The following PLPP4 variants were observed in gnomAD, a reference collection of about 807,000 sequenced individuals.
The protein encoded by PLPP4 is diacylglycerol pyrophosphate like 2.
A neutral mutation model predicts 32.2 loss-of-function variants in PLPP4; 20 were observed. The observed-to-expected ratio is 0.62, with a 90% confidence interval of 0.44 to 0.90. PLPP4 has a LOEUF of 0.90. Ranked by LOEUF, PLPP4 falls within the 40% of genes least tolerant of loss-of-function variation. The probability of loss-of-function intolerance (pLI) is 0.00; values close to 1 mark genes in which losing one functional copy is unlikely to be tolerated. For synonymous variants in PLPP4, 127 were observed against 133.0 expected, an observed-to-expected ratio of 0.95 and a Z score of 0.31; for missense variants, 257 against 353.1, an observed-to-expected ratio of 0.73 and a Z score of 2.18.
At chr10:120,486,239 G>A (rs1481562206) in intron 1 of PLPP4, among the ~76,000 whole-genome samples, 1 of 147,230 alleles carries the variant, frequency 6.8e-6, no homozygotes, top group African/African-American at 2.5e-5. Context: ...ATCTGTGAGA[G>A]GCTTTCCTCC....
intron 5 of PLPP4, among the ~76,000 whole-genome samples, chr10:120,528,880 G>T (rs1194666221): frequency 6.6e-6 from 1 of 151,976 alleles, no homozygotes; most frequent in African/African-American, 2.4e-5. Flanking sequence ...TAATGCTGCA[G>T]ATATATTGTA....
At chr10:120,504,074 ATG>A in intron 2 of PLPP4, 148 bp downstream of exon 2, 1 of 625,822 alleles carries the variant, frequency 1.6e-6, no homozygotes, top group Non-Finnish European at 2.8e-6. Context: ...ATCCAGTTCC[ATG>A]TCATGATAAG....
chr10:120,544,689 G>T (rs1847529180), intron 5 of PLPP4, among the ~76,000 whole-genome samples: 1 of 152,226 alleles, frequency 6.6e-6, no homozygotes, highest in African/African-American at 2.4e-5. Context: ...ATCTCTTTGG[G>T]CCCAGCCCAG....
At chr10:120,486,711 A>G (rs1447321715) in intron 1 of PLPP4, among the ~76,000 whole-genome samples, 1 of 152,216 alleles carries the variant, frequency 6.6e-6, no homozygotes, top group African/African-American at 2.4e-5. Flanking sequence ...TTCCTTTGGA[A>G]TGTATGTGGC....
At chr10:120,459,986 G>A (rs1269742872) in intron 1 of PLPP4, among the ~76,000 whole-genome samples, 4 of 152,146 alleles carry the variant, frequency 2.6e-5, no homozygotes, top group Non-Finnish European at 5.9e-5. Flanking sequence ...CAGTGCTGAG[G>A]TTTTGTGCAT....
intron 4 of PLPP4, among the ~76,000 whole-genome samples, chr10:120,520,360 G>A (rs1846100017): frequency 2.0e-5 from 3 of 152,268 alleles, no homozygotes; most frequent in Admixed American, 6.5e-5. Context: ...CAGGATATAC[G>A]GACACGAGGA....
At chr10:120,581,685 T>C (rs1849521118) in intron 6 of PLPP4, among the ~76,000 whole-genome samples, 1 of 152,000 alleles carries the variant, frequency 6.6e-6, no homozygotes, top group African/African-American at 2.4e-5. Context: ...CCTGGAATGC[T>C]CTTCTTCAGA....
Position 120,501,130 on chromosome 10 carries a change from A to G in PLPP4, c.57-2688A>G, listed in dbSNP as rs1270605570. On this transcript the variant is annotated intron_variant, in intron 1 of 6. Transcript: ENST00000398250. The stretch of plus-strand genomic sequence containing the variant: ...CCCACATGAGAGATTCTAAGTAGGA[A>G]CTACCTAGGCGATGAGCCCCTCTCA... Among the ~76,000 whole-genome samples the G allele has an allele frequency of 4.6e-5, 7 of 152,334 alleles. No homozygotes were observed. The East Asian group carries it at 7.7e-4, about 17-fold the overall frequency.
rs181867324 is a variant in PLPP4 at position 120,470,776 on chromosome 10, G to A, written c.56+13415G>A. 2.2e-3 allele frequency among the ~76,000 whole-genome samples: 338 copies of A among 150,914 alleles called. 1 individual carries two copies. Among genetic ancestry groups the A allele is most frequent in the Admixed American group, 3.8e-3 (58 of 15,212 alleles). On this transcript the variant is annotated intron_variant, in intron 1 of 6. Coordinates refer to ENST00000398250, the MANE Select transcript of PLPP4 (RefSeq NM_001030059.3). ...ATCTGTAGGGAAAATTTGCCCCCCC[G>A]TACTCACCCCACTCCACCCACTGGG... is the stretch of plus-strand genomic sequence containing the variant.
chr10:120,589,082 G>A (rs11199422), intron 6 of PLPP4, among the ~76,000 whole-genome samples: 45,474 of 151,806 alleles, frequency 0.3, 7,201 homozygotes, highest in Non-Finnish European at 0.36. Context: ...ACAAAAAACC[G>A]GGAAGAAAGA....
At chr10:120,475,979 G>A (rs1452355792) in intron 1 of PLPP4, among the ~76,000 whole-genome samples, 11 of 152,176 alleles carry the variant, frequency 7.2e-5, no homozygotes, top group South Asian at 6.2e-4. Flanking sequence ...CTGCAGGCTC[G>A]GACATGCATT....
chr10:120,568,718 A>T (rs952037187), intron 5 of PLPP4, among the ~76,000 whole-genome samples: 1 of 152,146 alleles, frequency 6.6e-6, no homozygotes, highest in Non-Finnish European at 1.5e-5. Context: ...TTATTTTTAT[A>T]TTTATGTTTC....
intron 5 of PLPP4, among the ~76,000 whole-genome samples, chr10:120,546,115 G>T (rs1233602395): frequency 2.0e-5 from 3 of 152,162 alleles, no homozygotes; most frequent in African/African-American, 7.2e-5. Context: ...CCCTATTTTT[G>T]AGGTTTTGGG....
intron 1 of PLPP4, among the ~76,000 whole-genome samples, chr10:120,459,079 A>C (rs930050489): frequency 3.9e-5 from 6 of 152,164 alleles, no homozygotes; most frequent in African/African-American, 1.4e-4. Flanking sequence ...TATTTATGAG[A>C]TGTTTACAGA....
intron 5 of PLPP4, among the ~76,000 whole-genome samples, chr10:120,546,517 G>C (rs1847629533): frequency 6.6e-6 from 1 of 152,068 alleles, no homozygotes; most frequent in African/African-American, 2.4e-5. Flanking sequence ...GCTTGAACCA[G>C]TTTGCATTTT....
intron 5 of PLPP4, among the ~76,000 whole-genome samples, chr10:120,553,429 A>G (rs1355417334): frequency 6.6e-6 from 1 of 152,156 alleles, no homozygotes; most frequent in East Asian, 1.9e-4. Flanking sequence ...AGAAGGTACC[A>G]CCTTTGAACC....
At chr10:120,466,471 C>G (rs1564775363) in intron 1 of PLPP4, among the ~76,000 whole-genome samples, 5 of 152,086 alleles carry the variant, frequency 3.3e-5, no homozygotes, top group Admixed American at 3.3e-4. Flanking sequence ...AAAACGTATT[C>G]AACAAAAAAA....
At position 120,554,515 on chromosome 10, in the gene PLPP4, G is replaced by C. The variant is rs112967735; in HGVS notation, c.446-20616G>C. On this transcript the variant is annotated intron_variant, in intron 5 of 6. Coordinates refer to ENST00000398250, the MANE Select transcript of PLPP4 (RefSeq NM_001030059.3). Reference sequence around the variant, plus strand: ...TTCCAAAGACACTTCCACATTTTCAGGTATCTTTATAGCAATGCCCCACTT... The same window carrying C: ...TTCCAAAGACACTTCCACATTTTCACGTATCTTTATAGCAATGCCCCACTT... Among the ~76,000 whole-genome samples the C allele has an allele frequency of 8.4e-3, 1,276 of 152,142 alleles. 23 individuals carry two copies. The highest frequency in any genetic ancestry group is 0.029 in the African/African-American group (1,224 of 41,512).
chr10:120,485,236 C>A (rs925462254), intron 1 of PLPP4, among the ~76,000 whole-genome samples: 1 of 152,208 alleles, frequency 6.6e-6, no homozygotes, highest in Non-Finnish European at 1.5e-5. Flanking sequence ...CCTGTGCCTT[C>A]CCCCTAGAGC....
Sources: gnomAD v4.1 joint callset for allele counts (sites outside exome capture counted in the v4.1 genomes callset) on GRCh38, gnomAD v4.1.1 for gene constraint, MANE v1.5 for transcripts, NCBI Gene and HGNC (gene_info 2026-07-23, HGNC 2026-07-21) for gene names.